Variants in KIAA0319L observed in about 807,000 individuals in gnomAD.
KIAA0319L encodes KIAA0319 like.
In KIAA0319L, 55 loss-of-function variants were observed where a neutral mutation model predicts 120.1. The ratio of observed to expected loss-of-function variants is 0.46; its 90% CI spans 0.37 to 0.57. KIAA0319L has a LOEUF of 0.57. KIAA0319L is among the 20% of genes least tolerant of loss of function. KIAA0319L has a pLI of 0.00. For missense variants in KIAA0319L, 1,049 were observed against 1,255.3 expected, an observed-to-expected ratio of 0.84 and a Z score of 2.48; for synonymous variants, 398 against 471.9, an observed-to-expected ratio of 0.84 and a Z score of 2.03.
At chr1:35,458,525 C>A (rs1047292898) in intron 9 of KIAA0319L, among the ~76,000 whole-genome samples, 1 of 151,940 alleles carries the variant, frequency 6.6e-6, no homozygotes, top group African/African-American at 2.4e-5. Flanking sequence ...AAAAAAAAAT[C>A]ACTCTCATAC....
intron 15 of KIAA0319L, 94 bp downstream of exon 15, chr1:35,449,773 G>T: frequency 7.3e-7 from 1 of 1,377,352 alleles, no homozygotes; most frequent in Non-Finnish European, 1.0e-6. Flanking sequence ...ATGCCATCTG[G>T]CTCTGTCCAT....
At chr1:35,527,792 T>C (rs1343783246) in intron 2 of KIAA0319L, among the ~76,000 whole-genome samples, 1 of 152,132 alleles carries the variant, frequency 6.6e-6, no homozygotes, top group East Asian at 1.9e-4. Context: ...TTAGTCTAGC[T>C]AGTGGTTTAT....
chr1:35,455,930 A>T (rs1570660683), intron 10 of KIAA0319L, 83 bp downstream of exon 10: 1 of 1,041,808 alleles, frequency 9.6e-7, no homozygotes, highest in East Asian at 2.4e-5. Flanking sequence ...AAGCTTTCTC[A>T]GTTTGTTTGG....
Position 35,455,573 on chromosome 1 carries a change from ATTTT to A in KIAA0319L, c.1656+436_1656+439del, listed in dbSNP as rs551358599. On this transcript the variant is annotated intron_variant, in intron 10 of 20. Transcript: ENST00000325722. ...CCTCTAATACTAAACATTTAAGATA[ATTTT>A]TTTTTTTTTTTTTTTTTTTTTGAGA... 6.3e-3 allele frequency among the ~76,000 whole-genome samples: 590 copies of A among 93,502 alleles called. 7 individuals are homozygous for A. Among genetic ancestry groups the A allele is most frequent in the African/African-American group, 0.028 (562 of 20,110 alleles). The allele number at this position is 93,502 out of a possible 152,430, so 61.3% of individuals were successfully genotyped here.
At chr1:35,551,417 A>G (rs1051394977) in intron 2 of KIAA0319L, among the ~76,000 whole-genome samples, 2 of 152,154 alleles carry the variant, frequency 1.3e-5, no homozygotes, top group African/African-American at 4.8e-5. Flanking sequence ...TCCCGGGTTC[A>G]AGCGATTCTC....
At chr1:35,454,113 T>C (rs1558312876) in intron 11 of KIAA0319L, 1 of 482,290 alleles carries the variant, frequency 2.1e-6, no homozygotes, top group East Asian at 3.0e-5. Context: ...GCATAAACTC[T>C]ATTTCCTAGG....
chr1:35,507,617 A>C (rs1558524310), intron 2 of KIAA0319L, among the ~76,000 whole-genome samples: 1 of 152,154 alleles, frequency 6.6e-6, no homozygotes, highest in Non-Finnish European at 1.5e-5. Flanking sequence ...GACCAGAAGA[A>C]CAGTTTCCCC....
Position 35,437,106 on chromosome 1 carries a change from C to T in KIAA0319L, c.2963-2025G>A, listed in dbSNP as rs977107800. Among the ~76,000 whole-genome samples, 2 of 152,178 alleles carry T rather than the reference C, an allele frequency of 1.3e-5. No individual in the cohort carries two copies. The highest frequency in any genetic ancestry group is 4.8e-5 in the African/African-American group (2 of 41,432). On this transcript the variant is annotated intron_variant, in intron 20 of 20. Coordinates refer to ENST00000325722, the MANE Select transcript of KIAA0319L (RefSeq NM_024874.5). The surrounding 1 kb of genome is among the most constrained non-coding windows in gnomAD (Gnocchi z 4.1). ...GCCCACAAGAGACCAGCCCTGCTGCCCTCACCTGGTCGCACGTTGTTGGTT... is the reference window on the plus strand; with the variant it reads ...GCCCACAAGAGACCAGCCCTGCTGCTCTCACCTGGTCGCACGTTGTTGGTT...
rs900320247 is a variant in KIAA0319L, at chr1:35,506,971, C to T, written c.307G>A (p.Gly103Arg). The part of the protein sequence containing the change: ...SACHVFWWLE[G>R]MCIQADCSRP... Reference sequence around the variant, plus strand: ...CTGCAGTCTGCCTGAATGCACATCCCTTCTAGCCACCAAAAGACATGGCAG... The same window carrying T: ...CTGCAGTCTGCCTGAATGCACATCCTTTCTAGCCACCAAAAGACATGGCAG... Residue 103 changes from glycine (G) to arginine (R), a missense_variant, in exon 3 of 21, where the codon GGG becomes AGG. Coordinates refer to ENST00000325722, the MANE Select transcript of KIAA0319L (RefSeq NM_024874.5). This position sits in a 1 kb window ranked among gnomAD's most constrained non-coding sequence, Gnocchi z 4.0. The T allele has an allele frequency of 6.8e-6, 11 of 1,613,520 alleles. No individual in the cohort carries two copies. Among genetic ancestry groups the T allele is most frequent in the Admixed American group, 5.0e-5 (3 of 59,980 alleles).
chr1:35,513,824 T>G lies in KIAA0319L; in HGVS notation c.143-6689A>C, dbSNP rs573858414. On this transcript the variant is annotated intron_variant, in intron 2 of 20. Transcript: ENST00000325722. ...TTAAATCTCTGACAAACGTTTCCTTTATATTTGTGAGAGTGATGTCTTTAA... is the reference window on the plus strand; with the variant it reads ...TTAAATCTCTGACAAACGTTTCCTTGATATTTGTGAGAGTGATGTCTTTAA... Among the ~76,000 whole-genome samples, 4 of 152,334 alleles carry G rather than the reference T, an allele frequency of 2.6e-5. No individual in the cohort carries two copies. The South Asian group carries it at 6.2e-4, about 24-fold the overall frequency.
rs1450059888 is a variant in KIAA0319L at position 35,434,801 on chromosome 1, G to C, written c.*93C>G. 8.7e-7 allele frequency: 1 copy of C among 1,145,292 alleles called. No homozygotes were observed. Among genetic ancestry groups the C allele is most frequent in the Admixed American group, 2.4e-5 (1 of 41,068 alleles). The allele number at this position is 1,145,292 out of a possible 1,614,324, so 70.9% of individuals were successfully genotyped here. ...GACTGTCAGGGCGAAATGACCAGCA[G>C]ATGCTGGGACAGCAGCTGCCCGCAG... is the stretch of plus-strand genomic sequence containing the variant. On this transcript the variant is annotated 3_prime_UTR_variant, in exon 21 of 21. Transcript: ENST00000325722.
chr1:35,459,009 T>G (rs1421494451), intron 9 of KIAA0319L, among the ~76,000 whole-genome samples: 1 of 152,206 alleles, frequency 6.6e-6, no homozygotes, highest in African/African-American at 2.4e-5. Context: ...GGATACTCAT[T>G]TCTGTGTCTC....
intron 3 of KIAA0319L, among the ~76,000 whole-genome samples, chr1:35,488,145 C>T (rs964101928): frequency 6.6e-6 from 1 of 152,162 alleles, no homozygotes; most frequent in Admixed American, 6.5e-5. Flanking sequence ...TCTTTTCACT[C>T]CCAGTTGCCA....
intron 3 of KIAA0319L, among the ~76,000 whole-genome samples, chr1:35,504,918 A>G (rs1276423761): frequency 6.6e-6 from 1 of 152,012 alleles, no homozygotes; most frequent in Non-Finnish European, 1.5e-5. Context: ...GTCTCTCCCA[A>G]TTTCTTGAGC....
intron 2 of KIAA0319L, among the ~76,000 whole-genome samples, chr1:35,537,563 A>G (rs1646628184): frequency 6.7e-6 from 1 of 148,568 alleles, no homozygotes; most frequent in African/African-American, 2.5e-5. Context: ...AAAAGTTTAT[A>G]TCAATTTACC....
chr1:35,468,792 G>T (rs926638072), intron 6 of KIAA0319L, among the ~76,000 whole-genome samples: 7 of 152,092 alleles, frequency 4.6e-5, no homozygotes, highest in Non-Finnish European at 7.4e-5. Flanking sequence ...TTAACCACTT[G>T]TCATAGCACA....
intron 20 of KIAA0319L, 78 bp downstream of exon 20, chr1:35,440,968 AC>A: frequency 9.2e-7 from 1 of 1,087,258 alleles, no homozygotes; most frequent in Non-Finnish European, 1.4e-6. Context: ...TTAGTGACAC[AC>A]TCAGGAGGGG....
At chr1:35,518,038 G>GA (rs1336983686) in intron 2 of KIAA0319L, among the ~76,000 whole-genome samples, 1 of 152,184 alleles carries the variant, frequency 6.6e-6, no homozygotes, top group Admixed American at 6.5e-5. Flanking sequence ...ATACCAGTCA[G>GA]AATGGCTATT....
chr1:35,466,474 C>A, intron 7 of KIAA0319L, 134 bp downstream of exon 7: 1 of 634,058 alleles, frequency 1.6e-6, no homozygotes, highest in South Asian at 1.9e-5. Context: ...TAACTATTCA[C>A]CACATTGAAC....
Sources: gnomAD v4.1 joint callset for allele counts (sites outside exome capture counted in the v4.1 genomes callset) on GRCh38, gnomAD v4.1.1 for gene constraint, Gnocchi (gnomAD v3.1) non-coding constraint, MANE v1.5 for transcripts, NCBI Gene and HGNC (gene_info 2026-07-23, HGNC 2026-07-21) for gene names.